Variants in TMEM156 observed in about 807,000 individuals in gnomAD.
The protein encoded by TMEM156 is transmembrane protein 156.
A neutral mutation model predicts 30.5 loss-of-function variants in TMEM156; 28 were observed. The observed-to-expected ratio is 0.92, with a 90% CI of 0.68 to 1.26. The LOEUF (loss-of-function observed/expected upper bound fraction) is 1.26, where lower values mean the gene tolerates loss of function less well. Ranked by LOEUF, TMEM156 falls within the 50% of genes most tolerant of loss-of-function variation. The pLI is 0.00. For synonymous variants in TMEM156, 137 were observed against 119.9 expected, an observed-to-expected ratio of 1.14 and a Z score of -0.93; for missense variants, 351 against 340.6, an observed-to-expected ratio of 1.03 and a Z score of -0.24.
At chr4:38,968,957 C>T (rs190360539) in intron 6 of TMEM156, among the ~76,000 whole-genome samples, 1 of 152,194 alleles carries the variant, frequency 6.6e-6, no homozygotes, top group East Asian at 1.9e-4. Context: ...TGGGGGAGTA[C>T]TAGCACATTA....
At chr4:38,993,681 A>C in intron 3 of TMEM156, 57 bp downstream of exon 3, 1 of 1,506,222 alleles carries the variant, frequency 6.6e-7, no homozygotes, top group East Asian at 2.3e-5. Context: ...CCCTTACTTA[A>C]TTTTACATAT....
intron 1 of TMEM156, among the ~76,000 whole-genome samples, chr4:39,003,413 C>T (rs1713515786): frequency 6.6e-6 from 1 of 152,092 alleles, no homozygotes; most frequent in Admixed American, 6.6e-5. Flanking sequence ...CGGCTCACTG[C>T]AACCTCTTCC....
chr4:39,013,393 A>G (rs1714260535), intron 1 of TMEM156, among the ~76,000 whole-genome samples: 2 of 147,228 alleles, frequency 1.4e-5, no homozygotes, highest in African/African-American at 2.6e-5. Context: ...TTATTTATTT[A>G]TTTATTTATT....
chr4:38,980,689 C>T (rs1164753530), intron 5 of TMEM156, among the ~76,000 whole-genome samples: 1 of 152,074 alleles, frequency 6.6e-6, no homozygotes, highest in East Asian at 1.9e-4. Context: ...GGAGAATCGA[C>T]CTAGTCCAGG....
intron 3 of TMEM156, among the ~76,000 whole-genome samples, chr4:38,992,855 G>T (rs547036300): frequency 6.7e-6 from 1 of 149,282 alleles, no homozygotes; most frequent in African/African-American, 2.5e-5. Context: ...TCCGCCTCCC[G>T]GATTCAAGCG....
chr4:38,970,424 A>G (rs1006714419), intron 6 of TMEM156, among the ~76,000 whole-genome samples: 2 of 152,076 alleles, frequency 1.3e-5, no homozygotes, highest in African/African-American at 4.8e-5. Context: ...GATATAACCA[A>G]TTACCACAAA....
chr4:39,005,981 T>C (rs6531688), intron 1 of TMEM156, among the ~76,000 whole-genome samples: 83,285 of 151,958 alleles, frequency 0.55, 23,977 homozygotes, highest in African/African-American at 0.73. Flanking sequence ...CTGCAACCTC[T>C]GCCTCCCGGG....
At chr4:38,989,104 C>T (rs886710479) in intron 3 of TMEM156, 134 bp from the exon 4 acceptor site, 7 of 826,620 alleles carry the variant, frequency 8.5e-6, no homozygotes, top group Non-Finnish European at 1.3e-5. Context: ...ATCACTGTTA[C>T]AGGGTCACTA....
Position 39,032,370 on chromosome 4 carries a change from C to G in TMEM156, c.-57G>C. 9.0e-7 allele frequency: 1 copy of G among 1,109,016 alleles called. No individual in the cohort carries two copies. Among genetic ancestry groups the G allele is most frequent in the Admixed American group, 2.0e-5 (1 of 51,268 alleles). The allele number at this position is 1,109,016 out of a possible 1,614,324, so 68.7% of individuals were successfully genotyped here. ...GCAGTACATTCATGGTATGTTGCTT[C>G]CTGCTTTAAGTTTATCTCTGCAGCA... On this transcript the variant is annotated 5_prime_UTR_variant, in exon 1 of 7. Coordinates refer to ENST00000381938, the MANE Select transcript of TMEM156 (RefSeq NM_024943.3).
At chr4:38,992,601 C>T (rs965911479) in intron 3 of TMEM156, among the ~76,000 whole-genome samples, 5 of 147,536 alleles carry the variant, frequency 3.4e-5, no homozygotes, top group Admixed American at 6.9e-5. Context: ...TGGTTCTCAG[C>T]TCCAAGAGAG....
intron 5 of TMEM156, among the ~76,000 whole-genome samples, chr4:38,972,078 C>T (rs750330592): frequency 2.8e-4 from 43 of 151,724 alleles, no homozygotes; most frequent in Non-Finnish European, 4.9e-4. Context: ...TGTGAGTGAC[C>T]GCGCCCAGCC....
chr4:38,993,887 G>A lies in TMEM156; in HGVS notation c.470C>T (p.Thr157Ile). ...AGTGTGGTTTTTTAGATGACAGGTA[G>A]TGTTATATTCCTCCAAGTGGTCAAC... is the stretch of plus-strand genomic sequence containing the variant. ...PLVDHLEEYN[T>I]TCHLKNHTGR... The change falls in exon 3 of 7, where the codon ACT becomes ATT. Residue 157 changes from threonine (T) to isoleucine (I), a missense_variant. By Grantham distance (89) the Thr-to-Ile change is moderately conservative. Transcript: ENST00000381938. 1 of 1,614,080 alleles carries A rather than the reference G, an allele frequency of 6.2e-7. No homozygotes were observed. The highest frequency in any genetic ancestry group is 1.3e-5 in the African/African-American group (1 of 75,028).
intron 1 of TMEM156, among the ~76,000 whole-genome samples, chr4:39,003,010 G>T (rs1165875159): frequency 2.6e-5 from 4 of 151,728 alleles, no homozygotes; most frequent in Non-Finnish European, 5.9e-5. Context: ...ATGTGCACAT[G>T]TACCCTAAAA....
At chr4:38,997,996 T>C (rs1273233661) in intron 2 of TMEM156, among the ~76,000 whole-genome samples, 1 of 152,228 alleles carries the variant, frequency 6.6e-6, no homozygotes, top group Non-Finnish European at 1.5e-5. Flanking sequence ...AGAATCAAAG[T>C]TTGATTTTAC....
At position 38,990,575 on chromosome 4, in the gene TMEM156, A is replaced by C. The variant is rs903061494; in HGVS notation, c.620-1605T>G. Among the ~76,000 whole-genome samples the C allele has an allele frequency of 2.6e-5, 4 of 152,168 alleles. 1 individual carries two copies. Among genetic ancestry groups the C allele is most frequent in the Non-Finnish European group, 5.9e-5 (4 of 68,036 alleles). ...GACCAGACCAGCCAGTGCAGCCACC[A>C]GCATGATCTCAGAAGAGTGTATCTC... On this transcript the variant is annotated intron_variant, in intron 3 of 6. Coordinates refer to ENST00000381938, the MANE Select transcript of TMEM156 (RefSeq NM_024943.3).
intron 5 of TMEM156, among the ~76,000 whole-genome samples, chr4:38,982,867 G>A (rs1475323953): frequency 6.6e-6 from 1 of 152,172 alleles, no homozygotes; most frequent in Non-Finnish European, 1.5e-5. Context: ...TCTGATCCCG[G>A]AAACCTGATG....
At chr4:38,985,880 ATT>A (rs1711945404) in intron 5 of TMEM156, among the ~76,000 whole-genome samples, 1 of 152,186 alleles carries the variant, frequency 6.6e-6, no homozygotes, top group African/African-American at 2.4e-5. Context: ...CCCTTATTCC[ATT>A]TCTGTTTCTC....
chr4:39,032,333 A>T lies in TMEM156; in HGVS notation c.-20T>A. The T allele has an allele frequency of 6.6e-7, 1 of 1,506,178 alleles. No homozygotes were observed. The highest frequency in any genetic ancestry group is 9.2e-7 in the Non-Finnish European group (1 of 1,087,050). 93.3% of individuals were successfully genotyped at this position (1,506,178 alleles called of 1,614,324 possible). A position where few individuals can be genotyped will look rare whatever the true frequency, so the allele number is the denominator to read the frequency against. On this transcript the variant is annotated 5_prime_UTR_variant, in exon 1 of 7. Transcript: ENST00000381938. ...TGTCATGTCTCTTCACATGACACAA[A>T]TGTGTTCCCTTGCAGTACATTCATG...
At chr4:38,999,810 C>T (rs562264369) in intron 1 of TMEM156, among the ~76,000 whole-genome samples, 11 of 152,170 alleles carry the variant, frequency 7.2e-5, no homozygotes, top group Non-Finnish European at 1.6e-4. Context: ...TTGCTTTCTC[C>T]TCTGTGTCTC....
Sources: allele counts gnomAD v4.1 joint callset (sites outside exome capture counted in the v4.1 genomes callset), GRCh38; gene constraint gnomAD v4.1.1; transcripts MANE v1.5; gene names NCBI Gene and HGNC (gene_info 2026-07-23, HGNC 2026-07-21).